Variants in RASGRF1 observed in about 807,000 individuals in gnomAD.
RASGRF1 encodes ras-specific guanine nucleotide-releasing factor 1.
RASGRF1 carries 40 observed loss-of-function variants against 138.7 expected under a neutral mutation model. The ratio of observed to expected loss-of-function variants is 0.29; its 90% CI spans 0.22 to 0.38. The LOEUF (loss-of-function observed/expected upper bound fraction) is 0.38, where lower values mean the gene tolerates loss of function less well. Among genes scored for constraint, RASGRF1 ranks in the 10% least tolerant of loss-of-function variants. The probability of loss-of-function intolerance (pLI) is 1.00; values close to 1 mark genes in which losing one functional copy is unlikely to be tolerated. For missense variants in RASGRF1, 1,108 were observed against 1,650.4 expected (o/e 0.67, Z 5.69); for synonymous variants, 614 against 663.2 (o/e 0.93, Z 1.14).
chr15:78,990,195 G>T lies in RASGRF1; in HGVS notation c.3210C>A (p.Phe1070Leu). 1 of 1,595,000 alleles carries T rather than the reference G, an allele frequency of 6.3e-7. No individual in the cohort carries two copies. The highest frequency in any genetic ancestry group is 8.6e-7 in the Non-Finnish European group (1 of 1,162,640). Reference sequence around the variant, plus strand: ...CGCTCCCATCCATACTCACGTCATTGAAGTGCTTAGTGGTTTTCATGATAT... The same window carrying T: ...CGCTCCCATCCATACTCACGTCATTTAAGTGCTTAGTGGTTTTCATGATAT... ...TPYIMKTTKH[F>L]NDISNLIASE... The change falls in exon 22 of 27, where the codon TTC becomes TTA. Residue 1070 changes from phenylalanine to leucine, a missense_variant. Phe to Leu is a conservative substitution (Grantham distance 22). Around this residue, in one of 3 missense-constraint regions of RASGRF1, gnomAD observed 686 missense variants for 976.7 expected, o/e 0.70. Transcript: ENST00000558480.
intron 1 of RASGRF1, among the ~76,000 whole-genome samples, chr15:79,081,167 AG>A: frequency 6.6e-6 from 1 of 152,228 alleles, no homozygotes; most frequent in Non-Finnish European, 1.5e-5. Context: ...CCCCAAACCC[AG>A]GATGTGGGAA....
intron 24 of RASGRF1, among the ~76,000 whole-genome samples, chr15:78,977,556 C>G (rs1596315965): frequency 6.6e-6 from 1 of 152,308 alleles, no homozygotes; most frequent in East Asian, 1.9e-4. Flanking sequence ...CCCTGAGACT[C>G]TAGAGCTCAG....
intron 26 of RASGRF1, among the ~76,000 whole-genome samples, chr15:78,970,443 C>G (rs1391296509): frequency 6.6e-6 from 1 of 151,902 alleles, no homozygotes; most frequent in African/African-American, 2.4e-5. Flanking sequence ...AAAATGCAAA[C>G]TAGTCCAATT....
intron 13 of RASGRF1, among the ~76,000 whole-genome samples, chr15:79,007,538 G>C (rs925027065): frequency 8.3e-6 from 1 of 121,040 alleles, no homozygotes; most frequent in South Asian, 2.9e-4. Flanking sequence ...GCTGATGGCC[G>C]TATCTAGTTT....
intron 13 of RASGRF1, among the ~76,000 whole-genome samples, chr15:79,009,875 C>T (rs1424378871): frequency 1.3e-5 from 2 of 151,790 alleles, no homozygotes; most frequent in Non-Finnish European, 2.9e-5. Context: ...CAGGTGCCCA[C>T]CACCACACCC....
At chr15:79,051,351 T>G (rs1358300910) in intron 3 of RASGRF1, among the ~76,000 whole-genome samples, 1 of 152,190 alleles carries the variant, frequency 6.6e-6, no homozygotes, top group Non-Finnish European at 1.5e-5. Flanking sequence ...AGTGTGGAGA[T>G]GGGCTTTTCT....
At chr15:78,985,438 C>A (rs28368520) in intron 22 of RASGRF1, 6,749 of 441,376 alleles carry the variant, frequency 0.015, 69 homozygotes, top group Non-Finnish European at 0.02. Flanking sequence ...AAAAATACAA[C>A]CTTCCAAATA....
chr15:79,070,693 A>G (rs185202904), intron 1 of RASGRF1, among the ~76,000 whole-genome samples: 2 of 152,328 alleles, frequency 1.3e-5, no homozygotes, highest in Admixed American at 1.3e-4. Context: ...CAAGTGAGAT[A>G]ATGCTGGTGC....
intron 19 of RASGRF1, 115 bp downstream of exon 19, chr15:78,997,981 C>T: frequency 1.2e-6 from 1 of 864,410 alleles, no homozygotes; most frequent in Non-Finnish European, 1.9e-6. Context: ...TTGGGGCTGT[C>T]CTTGACAAGG....
In RASGRF1 at chr15:79,049,577, C is replaced by T; in HGVS notation, c.543G>A (p.Leu181=). The T allele has an allele frequency of 6.2e-7, 1 of 1,613,196 alleles. No individual in the cohort carries two copies. The highest frequency in any genetic ancestry group is 8.5e-7 in the Non-Finnish European group (1 of 1,179,622). Residue 181 remains leucine (L), a synonymous_variant, in exon 4 of 27, where the codon CTG becomes CTA. Transcript: ENST00000558480. ...ACTGGATGCGCTCATTGTCCTTGAG[C>T]AGGGATGTGATCTGCAACAGCAACA... ...IERLKAEITS[L]LKDNERIQST...
Position 78,960,532 on chromosome 15 carries a change from T to C in RASGRF1, c.*1612A>G, listed in dbSNP as rs2055529104. 2.0e-5 allele frequency: 3 copies of C among 152,422 alleles called. No homozygotes were observed. In the South Asian group the frequency reaches 6.2e-4, roughly 32 times the overall value. 9.4% of individuals were successfully genotyped at this position (152,422 alleles called of 1,614,324 possible). On this transcript the variant is annotated 3_prime_UTR_variant, in exon 27 of 27. Coordinates refer to ENST00000558480, the MANE Select transcript of RASGRF1 (RefSeq NM_001145648.3). Reference sequence around the variant, plus strand: ...CCCAGCAGACATCAACATCCAGCCATGTGACAGCGCCATCTTGGTGCACCA... The same window carrying C: ...CCCAGCAGACATCAACATCCAGCCACGTGACAGCGCCATCTTGGTGCACCA...
At chr15:79,082,655 G>A (rs967819010) in intron 1 of RASGRF1, among the ~76,000 whole-genome samples, 3 of 152,200 alleles carry the variant, frequency 2.0e-5, no homozygotes, top group African/African-American at 7.2e-5. Flanking sequence ...GAGGGACAGA[G>A]GGCACAGCTC....
intron 2 of RASGRF1, among the ~76,000 whole-genome samples, chr15:79,058,985 C>T (rs199506339): frequency 3.3e-4 from 50 of 152,298 alleles, no homozygotes; most frequent in African/African-American, 1.1e-3. Flanking sequence ...TCAGCTGCTT[C>T]GTTAGTCTCT....
At chr15:79,044,432 GT>G (rs1296197471) in intron 5 of RASGRF1, among the ~76,000 whole-genome samples, 2 of 152,162 alleles carry the variant, frequency 1.3e-5, no homozygotes, top group African/African-American at 4.8e-5. Context: ...TGACCTGATG[GT>G]GGGGTTTGCA....
At chr15:79,017,748 A>AG (rs775358445) in intron 12 of RASGRF1, 22 bp downstream of exon 12, 3 of 1,587,168 alleles carry the variant, frequency 1.9e-6, no homozygotes, top group Non-Finnish European at 2.6e-6. Context: ...ACTCGCTTTC[A>AG]GGAACAGGTG....
At chr15:79,004,286 CT>C in intron 14 of RASGRF1, 111 bp from the exon 15 acceptor site, 1 of 1,338,296 alleles carries the variant, frequency 7.5e-7, no homozygotes, top group Non-Finnish European at 1.0e-6. Context: ...CTCCATCATT[CT>C]TAGGATCCCT....
At chr15:78,974,151 C>T (rs991125636) in intron 24 of RASGRF1, among the ~76,000 whole-genome samples, 3 of 152,140 alleles carry the variant, frequency 2.0e-5, no homozygotes, top group African/African-American at 4.8e-5. Context: ...TCCTTCCCAG[C>T]GTGTTCTGGT....
chr15:79,015,441 G>T lies in RASGRF1; in HGVS notation c.1744-32C>A, dbSNP rs762426038. 2.4e-5 allele frequency: 38 copies of T among 1,586,502 alleles called. 2 individuals are homozygous for T. The South Asian group carries it at 4.2e-4, about 18-fold the overall frequency. ...TCAGAGAGAGGACCCCAGGGTCAGAGCTCTCCATTCCTGGACCCAGGCCCA... is the reference window on the plus strand; with the variant it reads ...TCAGAGAGAGGACCCCAGGGTCAGATCTCTCCATTCCTGGACCCAGGCCCA... On this transcript the variant is annotated intron_variant, in intron 12 of 26. Coordinates refer to ENST00000558480, the MANE Select transcript of RASGRF1 (RefSeq NM_001145648.3).
chr15:79,043,937 G>T (rs183135921), intron 5 of RASGRF1, among the ~76,000 whole-genome samples: 93 of 152,296 alleles, frequency 6.1e-4, no homozygotes, highest in African/African-American at 2.0e-3. Context: ...TTACTCTTCC[G>T]AACTTTTGCC....
Sources: gnomAD v4.1 joint callset for allele counts (sites outside exome capture counted in the v4.1 genomes callset) on GRCh38, gnomAD v4.1.1 for gene constraint, gnomAD v4.1.1 regional missense constraint, MANE v1.5 for transcripts, NCBI Gene and HGNC (gene_info 2026-07-23, HGNC 2026-07-21) for gene names.